Variants in SLC6A18 observed in about 807,000 individuals in gnomAD.
The protein encoded by SLC6A18 is inactive sodium-dependent neutral amino acid transporter B(0)AT3.
SLC6A18 carries 58 observed loss-of-function variants against 62.9 expected under a neutral mutation model. That is an observed-to-expected ratio of 0.92 (90% confidence interval 0.75 to 1.15). SLC6A18 has a LOEUF of 1.15. Among genes scored for constraint, SLC6A18 ranks in the 50% most tolerant of loss-of-function variants. The pLI, the probability that SLC6A18 is intolerant of heterozygous loss-of-function variation, is 0.00. For missense variants in SLC6A18, 793 were observed against 836.6 expected, an observed-to-expected ratio of 0.95 and a Z score of 0.64; for synonymous variants, 382 against 365.8, an observed-to-expected ratio of 1.04 and a Z score of -0.51.
intron 7 of SLC6A18, 71 bp from the exon 8 acceptor site, chr5:1,242,636 C>A: frequency 1.3e-6 from 2 of 1,534,824 alleles, no homozygotes; most frequent in Non-Finnish European, 1.8e-6. Flanking sequence ...CTTCGCAGCA[C>A]CAACCAAGGG....
chr5:1,232,551 A>C (rs4975622), intron 2 of SLC6A18, among the ~76,000 whole-genome samples, 192 bp downstream of exon 2: 103,492 of 152,116 alleles, frequency 0.68, 35,282 homozygotes, highest in South Asian at 0.71. Flanking sequence ...GAGATGGAGA[A>C]CATGTGTGCC....
intron 1 of SLC6A18, 74 bp from the exon 2 acceptor site, chr5:1,232,145 G>A (rs1461037212): frequency 4.3e-6 from 6 of 1,391,618 alleles, no homozygotes; most frequent in Non-Finnish European, 6.0e-6. Flanking sequence ...ACCACAGGTG[G>A]CTCCCCCTGG....
At chr5:1,227,237 T>C (rs1356703011) in intron 1 of SLC6A18, among the ~76,000 whole-genome samples, 1 of 152,122 alleles carries the variant, frequency 6.6e-6, no homozygotes, top group Non-Finnish European at 1.5e-5. Flanking sequence ...TGGAAGTGTC[T>C]GGCACTAGCC....
In SLC6A18 at chr5:1,226,018, G is replaced by T. The variant is rs116386154; in HGVS notation, c.160+381G>T. ...CAGTTCTTTAAAGAACACACAATCC[G>T]CTCTGGGTTTCCTCACCACAGCCTT... On this transcript the variant is annotated intron_variant, in intron 1 of 11. Coordinates refer to ENST00000324642, the MANE Select transcript of SLC6A18 (RefSeq NM_182632.3). Among the ~76,000 whole-genome samples the T allele has an allele frequency of 6.7e-3, 1,015 of 152,322 alleles. 13 individuals are homozygous for T. The highest frequency in any genetic ancestry group is 0.023 in the African/African-American group (963 of 41,566).
chr5:1,233,749 A>ATTTTTTTT (rs70957337), intron 3 of SLC6A18, among the ~76,000 whole-genome samples: 2,898 of 138,652 alleles, frequency 0.021, 92 homozygotes, highest in Middle Eastern at 0.057. Flanking sequence ...CACTCAGCTA[A>ATTTTTTTT]TTTTTTTTTT....
chr5:1,242,852 T>C lies in SLC6A18; in HGVS notation c.1120T>C (p.Phe374Leu), dbSNP rs374479506. The change falls in exon 8 of 12, where the codon TTT becomes CTT. Residue 374 changes from phenylalanine (F) to leucine (L), a missense_variant. Coordinates refer to ENST00000324642, the MANE Select transcript of SLC6A18 (RefSeq NM_182632.3). The stretch of plus-strand genomic sequence containing the variant: ...CCTGAAGGCCTGCCTCCTGGAAGAC[T>C]TTCTGGATAAGGTACCTGCACACCC... ...LPLKACLLED[F>L]LDKSASGPGL... is the part of the protein sequence containing the mutation. The C allele has an allele frequency of 6.6e-5, 106 of 1,610,088 alleles. No individual in the cohort carries two copies. Among genetic ancestry groups the C allele is most frequent in the Non-Finnish European group, 8.8e-5 (104 of 1,177,940 alleles).
At chr5:1,237,119 G>A (rs1746902991) in intron 4 of SLC6A18, among the ~76,000 whole-genome samples, 1 of 151,406 alleles carries the variant, frequency 6.6e-6, no homozygotes, top group African/African-American at 2.4e-5. Context: ...TTGGGAGCCT[G>A]TAATCCCAAC....
intron 1 of SLC6A18, among the ~76,000 whole-genome samples, chr5:1,228,120 CT>C (rs59438556): frequency 0.55 from 83,404 of 151,228 alleles, 23,343 homozygotes; most frequent in Non-Finnish European, 0.61. Context: ...AGAGCAAGGC[CT>C]TTTTTTTTTA....
At chr5:1,233,024 T>G in intron 3 of SLC6A18, 136 bp downstream of exon 3, 18 of 1,298,192 alleles carry the variant, frequency 1.4e-5, no homozygotes, top group Non-Finnish European at 1.9e-5. Flanking sequence ...GGTTGCTCTG[T>G]GTGCACATGC....
Position 1,243,015 on chromosome 5 carries a change from C to G in SLC6A18, c.1131+152C>G. 1 of 947,144 alleles carries G rather than the reference C, an allele frequency of 1.1e-6. No homozygotes were observed. Among genetic ancestry groups the G allele is most frequent in the East Asian group, 2.7e-5 (1 of 37,176 alleles). 58.7% of individuals were successfully genotyped at this position (947,144 alleles called of 1,614,324 possible). On this transcript the variant is annotated intron_variant, in intron 8 of 11. Coordinates refer to ENST00000324642, the MANE Select transcript of SLC6A18 (RefSeq NM_182632.3). This position sits in a 1 kb window ranked among gnomAD's most constrained non-coding sequence, Gnocchi z 6.5. ...CAAGAACCCCAGTCTATCTTTGTCTCAGGTTGCCAGGCCTCCTGGAAAGCC... is the reference window on the plus strand; with the variant it reads ...CAAGAACCCCAGTCTATCTTTGTCTGAGGTTGCCAGGCCTCCTGGAAAGCC...
chr5:1,236,542 C>T (rs572693798), intron 4 of SLC6A18, among the ~76,000 whole-genome samples: 2 of 152,342 alleles, frequency 1.3e-5, no homozygotes, highest in South Asian at 4.1e-4. Context: ...ACCTGAGCCT[C>T]CTGCTTGCCT....
rs141229418 is a variant in SLC6A18, at chr5:1,243,493, CGT to C, written c.1132-52_1132-51del. On this transcript the variant is annotated intron_variant, in intron 8 of 11. Coordinates refer to ENST00000324642, the MANE Select transcript of SLC6A18 (RefSeq NM_182632.3). This position sits in a 1 kb window ranked among gnomAD's most constrained non-coding sequence, Gnocchi z 6.5. ...GGAGAGTGTGTGTCCTGCAGGCAGGCGTGTGTGTGTGGTGGAGTGTGTGTGTG... is the reference window on the plus strand; with the variant it reads ...GGAGAGTGTGTGTCCTGCAGGCAGGCGTGTGTGTGGTGGAGTGTGTGTGTG... 5.2e-5 allele frequency: 79 copies of C among 1,528,786 alleles called. No homozygotes were observed. The highest frequency in any genetic ancestry group is 6.8e-5 in the East Asian group (3 of 44,322). 94.7% of individuals were successfully genotyped at this position (1,528,786 alleles called of 1,614,324 possible). A position where few individuals can be genotyped will look rare whatever the true frequency, so the allele number is the denominator to read the frequency against.
intron 1 of SLC6A18, among the ~76,000 whole-genome samples, chr5:1,231,476 G>A (rs1246480603): frequency 6.6e-6 from 1 of 152,150 alleles, no homozygotes; most frequent in Non-Finnish European, 1.5e-5. Context: ...CATGAGCAAA[G>A]ATGGTTCCAG....
chr5:1,236,431 A>C (rs866451018), intron 4 of SLC6A18, among the ~76,000 whole-genome samples: 6 of 152,224 alleles, frequency 3.9e-5, no homozygotes, highest in Non-Finnish European at 8.8e-5. Flanking sequence ...GTTTAGTTTT[A>C]AACAAGCGAT....
intron 7 of SLC6A18, among the ~76,000 whole-genome samples, chr5:1,240,883 T>C (rs77776598): frequency 0.05 from 7,539 of 152,300 alleles, 241 homozygotes; most frequent in Non-Finnish European, 0.061. Context: ...GATCGGTCTC[T>C]CTGGAGTAGG....
At chr5:1,233,772 T>G (rs377267136) in intron 3 of SLC6A18, among the ~76,000 whole-genome samples, 1 of 133,720 alleles carries the variant, frequency 7.5e-6, no homozygotes, top group Non-Finnish European at 1.7e-5. Flanking sequence ...GACGGAGTCT[T>G]GCTCTGTCGC....
chr5:1,246,129 T>G lies in SLC6A18; in HGVS notation c.*51T>G. On this transcript the variant is annotated 3_prime_UTR_variant, in exon 12 of 12. Transcript: ENST00000324642. The stretch of plus-strand genomic sequence containing the variant: ...GGCGGGTCTGTGGGGGGGCTTGGCC[T>G]GATGGTGGGCGGGGCCCCGCCCACA... 6 of 1,489,604 alleles carry G rather than the reference T, an allele frequency of 4.0e-6. No individual in the cohort carries two copies. Among genetic ancestry groups the G allele is most frequent in the Non-Finnish European group, 5.3e-6 (6 of 1,124,804 alleles). 92.3% of individuals were successfully genotyped at this position (1,489,604 alleles called of 1,614,324 possible). A position where few individuals can be genotyped will look rare whatever the true frequency, so the allele number is the denominator to read the frequency against.
Position 1,225,606 on chromosome 5 carries a change from G to A in SLC6A18, c.129G>A (p.Arg43=). The A allele has an allele frequency of 6.2e-7, 1 of 1,604,452 alleles. No individual in the cohort carries two copies. Among genetic ancestry groups the A allele is most frequent in the Non-Finnish European group, 8.5e-7 (1 of 1,175,094 alleles). ...CCGTGGGACTGGGGAACATTTGGCGGTTCCCATACCTGTGCCAGACCTATG... is the reference window on the plus strand; with the variant it reads ...CCGTGGGACTGGGGAACATTTGGCGATTCCCATACCTGTGCCAGACCTATG... ...GFAVGLGNIW[R]FPYLCQTYGG... Residue 43 remains arginine, a synonymous_variant, in exon 1 of 12, where the codon CGG becomes CGA. Coordinates refer to ENST00000324642, the MANE Select transcript of SLC6A18 (RefSeq NM_182632.3).
intron 9 of SLC6A18, 30 bp from the exon 10 acceptor site, chr5:1,244,184 A>AAC: frequency 2.4e-5 from 18 of 752,060 alleles, no homozygotes; most frequent in Admixed American, 3.8e-5. Context: ...CCATCCCCTT[A>AAC]CCCCCCACAC....
Sources: allele counts gnomAD v4.1 joint callset (sites outside exome capture counted in the v4.1 genomes callset), GRCh38; gene constraint gnomAD v4.1.1; non-coding constraint Gnocchi (gnomAD v3.1); transcripts MANE v1.5; gene names NCBI Gene and HGNC (gene_info 2026-07-23, HGNC 2026-07-21).